Variants in ZNG1E observed in about 807,000 individuals in gnomAD.
The protein encoded by ZNG1E is zinc-regulated GTPase metalloprotein activator 1E.
the ZNG1E span, among the ~76,000 whole-genome samples, chr9:65,664,021 C>T: frequency 9.2e-5 from 14 of 152,358 alleles, no homozygotes; most frequent in African/African-American, 3.1e-4. Context: ...TGCCCATGCA[C>T]ATACAAGCAT....
chr9:65,656,756 A>G, the ZNG1E span, among the ~76,000 whole-genome samples: 1 of 152,284 alleles, frequency 6.6e-6, no homozygotes. Flanking sequence ...AGCTAACAGA[A>G]CCCCATGTCT....
the ZNG1E span, among the ~76,000 whole-genome samples, chr9:65,684,024 C>T: frequency 2.6e-4 from 39 of 152,350 alleles, no homozygotes; most frequent in South Asian, 3.9e-3. Context: ...TAATTAAACA[C>T]GATTCAGCTT....
At chr9:65,671,631 T>C in the ZNG1E span, among the ~76,000 whole-genome samples, 1 of 152,364 alleles carries the variant, frequency 6.6e-6, no homozygotes, top group East Asian at 1.9e-4. Context: ...AGATTGCTTT[T>C]TTCTAAGTAA....
At chr9:65,679,798 CCG>C in the ZNG1E span, among the ~76,000 whole-genome samples, 1 of 152,196 alleles carries the variant, frequency 6.6e-6, no homozygotes, top group South Asian at 2.1e-4. Flanking sequence ...TATGATCCAC[CCG>C]CCTCGGCCTC....
the ZNG1E span, among the ~76,000 whole-genome samples, chr9:65,695,938 A>C: frequency 2.0e-5 from 3 of 151,848 alleles, no homozygotes; most frequent in South Asian, 6.3e-4. Context: ...TATTTAAAAA[A>C]TATTTTGCAA....
At chr9:65,667,055 A>C in the ZNG1E span, among the ~76,000 whole-genome samples, 1 of 152,258 alleles carries the variant, frequency 6.6e-6, no homozygotes, top group South Asian at 2.1e-4. Context: ...TCCTGACCTC[A>C]GGTGATCCAC....
At chr9:65,699,210 C>T in the ZNG1E span, among the ~76,000 whole-genome samples, 1 of 149,076 alleles carries the variant, frequency 6.7e-6, no homozygotes, top group African/African-American at 2.5e-5. Context: ...GGCATGAATC[C>T]ACTGCGCCTG....
chr9:65,691,410 G>T, the ZNG1E span, among the ~76,000 whole-genome samples: 1 of 151,740 alleles, frequency 6.6e-6, no homozygotes. Flanking sequence ...AATCTTTATG[G>T]TTAAGCTTAT....
At chr9:65,671,166 A>T in the ZNG1E span, among the ~76,000 whole-genome samples, 1 of 149,106 alleles carries the variant, frequency 6.7e-6, no homozygotes, top group Non-Finnish European at 1.5e-5. Context: ...CAATTTTGAG[A>T]GGATGATTAA....
the ZNG1E span, among the ~76,000 whole-genome samples, chr9:65,684,057 A>G: frequency 3.3e-5 from 5 of 152,380 alleles, no homozygotes; most frequent in African/African-American, 1.2e-4. Flanking sequence ...AAGAAAAACT[A>G]AAGATCACAG....
chr9:65,732,951 A>G, the ZNG1E span: 3 of 1,608,244 alleles, frequency 1.9e-6, no homozygotes, highest in African/African-American at 2.8e-5. Context: ...TTTAAGTTTG[A>G]ACTGAGGCTG....
chr9:65,675,487 G>A, the ZNG1E span, among the ~76,000 whole-genome samples: 3 of 150,360 alleles, frequency 2.0e-5, no homozygotes, highest in Admixed American at 6.6e-5. Flanking sequence ...AAATTGTAAT[G>A]TTATAACCTT....
the ZNG1E span, among the ~76,000 whole-genome samples, chr9:65,727,226 AG>A: frequency 1.4e-5 from 2 of 145,360 alleles, no homozygotes; most frequent in African/African-American, 5.3e-5. Context: ...GAATGCTAAA[AG>A]GAACTCTAAA....
At chr9:65,660,847 ATATATAT>A in the ZNG1E span, among the ~76,000 whole-genome samples, 1 of 141,996 alleles carries the variant, frequency 7.0e-6, no homozygotes, top group African/African-American at 2.8e-5. Context: ...ATATATATAT[ATATATAT>A]AAAATAAAAA....
chr9:65,665,285 G>C, the ZNG1E span, among the ~76,000 whole-genome samples: 1,074 of 151,918 alleles, frequency 7.1e-3, no homozygotes, highest in African/African-American at 0.024. Flanking sequence ...TGGGCCCAGG[G>C]TCCCTCTGCT....
chr9:65,714,043 CTTTG>C, the ZNG1E span, among the ~76,000 whole-genome samples: 4 of 149,876 alleles, frequency 2.7e-5, no homozygotes, highest in Non-Finnish European at 4.4e-5. Flanking sequence ...TTCTTGGAGG[CTTTG>C]TTTGTTTCTT....
At chr9:65,714,343 T>C in the ZNG1E span, among the ~76,000 whole-genome samples, 52 of 151,754 alleles carry the variant, frequency 3.4e-4, no homozygotes, top group African/African-American at 1.3e-3. Context: ...TCTGAAGCCT[T>C]CTTTTCTCAG....
the ZNG1E span, among the ~76,000 whole-genome samples, chr9:65,689,415 A>G: frequency 9.6e-6 from 1 of 103,834 alleles, no homozygotes. Context: ...AAGACAACCA[A>G]AAACATCTTC....
chr9:65,687,958 T>C, the ZNG1E span, among the ~76,000 whole-genome samples: 1 of 151,140 alleles, frequency 6.6e-6, no homozygotes, highest in South Asian at 2.1e-4. Flanking sequence ...TTACCATGAA[T>C]ACTTTTTTTT....
Sources: gnomAD v4.1 joint callset for allele counts (sites outside exome capture counted in the v4.1 genomes callset) on GRCh38, gnomAD v4.1.1 for gene constraint, MANE v1.5 for transcripts, NCBI Gene and HGNC (gene_info 2026-07-23, HGNC 2026-07-21) for gene names.